Variants in NSMCE2 observed in about 807,000 individuals in gnomAD.
NSMCE2 encodes E3 SUMO-protein ligase NSE2.
In NSMCE2, 24 loss-of-function variants were observed where a neutral mutation model predicts 23.8. The observed-to-expected ratio is 1.01, with a 90% CI of 0.73 to 1.42. The LOEUF is 1.42. Ranked by LOEUF, NSMCE2 falls within the 40% of genes most tolerant of loss-of-function variation. The probability of loss-of-function intolerance (pLI) is 0.00; values close to 1 mark genes in which losing one functional copy is unlikely to be tolerated. For missense variants in NSMCE2, 284 were observed against 296.5 expected (o/e 0.96, Z 0.31); for synonymous variants, 92 against 94.1 (o/e 0.98, Z 0.13).
intron 5 of NSMCE2, among the ~76,000 whole-genome samples, chr8:125,237,368 TAAA>T (rs1825599993): frequency 6.6e-6 from 1 of 152,202 alleles, no homozygotes; most frequent in South Asian, 2.1e-4. Context: ...TTTCTGTCTC[TAAA>T]ACAGAGAAAA....
At chr8:125,285,464 C>CCATTCTGTG (rs1203914030) in intron 5 of NSMCE2, among the ~76,000 whole-genome samples, 1 of 151,990 alleles carries the variant, frequency 6.6e-6, no homozygotes, top group African/African-American at 2.4e-5. Flanking sequence ...ACTTACATGC[C>CCATTCTGTG]CATTCTGTGC....
chr8:125,364,021 G>A (rs1049495055), intron 7 of NSMCE2, among the ~76,000 whole-genome samples: 2 of 151,996 alleles, frequency 1.3e-5, no homozygotes, highest in African/African-American at 4.8e-5. Context: ...TTGGCTCACC[G>A]CAACCCCCAC....
At chr8:125,186,992 C>G (rs1442504013) in intron 5 of NSMCE2, among the ~76,000 whole-genome samples, 2 of 152,120 alleles carry the variant, frequency 1.3e-5, no homozygotes, top group East Asian at 3.9e-4. Context: ...TACCCAGTGT[C>G]CTGTATGTTA....
intron 5 of NSMCE2, among the ~76,000 whole-genome samples, chr8:125,197,226 C>G (rs1325363650): frequency 1.3e-5 from 2 of 152,156 alleles, no homozygotes; most frequent in Admixed American, 1.3e-4. Context: ...TCTATTTTGG[C>G]TTTTGTTTCC....
At chr8:125,286,957 G>C (rs1488048695) in intron 5 of NSMCE2, among the ~76,000 whole-genome samples, 1 of 152,146 alleles carries the variant, frequency 6.6e-6, no homozygotes, top group African/African-American at 2.4e-5. Flanking sequence ...CCAATTGGGA[G>C]GTGAACTCCC....
chr8:125,176,031 A>G (rs185965719), intron 4 of NSMCE2, among the ~76,000 whole-genome samples: 1 of 152,310 alleles, frequency 6.6e-6, no homozygotes, highest in East Asian at 1.9e-4. Context: ...CCTTGCTGAC[A>G]TAGAGAAATG....
chr8:125,184,536 A>C (rs1822998726), intron 5 of NSMCE2, among the ~76,000 whole-genome samples: 1 of 152,162 alleles, frequency 6.6e-6, no homozygotes, highest in Non-Finnish European at 1.5e-5. Flanking sequence ...TAATTAAAAT[A>C]AAAATTTCCC....
At chr8:125,231,671 T>TAAACTG (rs1825329190) in intron 5 of NSMCE2, among the ~76,000 whole-genome samples, 2 of 152,322 alleles carry the variant, frequency 1.3e-5, no homozygotes, top group African/African-American at 2.4e-5. Context: ...TCATGAAATT[T>TAAACTG]TTTTTCACTT....
intron 5 of NSMCE2, among the ~76,000 whole-genome samples, chr8:125,353,846 G>A (rs1360626348): frequency 6.6e-6 from 1 of 151,438 alleles, no homozygotes; most frequent in African/African-American, 2.4e-5. Context: ...TCGTGCCATT[G>A]CACTCCAGCC....
At chr8:125,152,582 A>T (rs1344554114) in intron 4 of NSMCE2, among the ~76,000 whole-genome samples, 1 of 152,232 alleles carries the variant, frequency 6.6e-6, no homozygotes. Flanking sequence ...TTTGACCCTT[A>T]CATTATGTGG....
chr8:125,234,144 G>T (rs2130955635), intron 5 of NSMCE2, among the ~76,000 whole-genome samples: 1 of 152,090 alleles, frequency 6.6e-6, no homozygotes. Context: ...AGTGAGCCGA[G>T]ATCCTGCCAC....
At chr8:125,362,435 A>T (rs1813600936) in intron 7 of NSMCE2, among the ~76,000 whole-genome samples, 1 of 152,208 alleles carries the variant, frequency 6.6e-6, no homozygotes, top group African/African-American at 2.4e-5. Flanking sequence ...TGTCATGCCA[A>T]CATTGTCAGT....
chr8:125,134,001 G>A (rs1319731097), intron 3 of NSMCE2, among the ~76,000 whole-genome samples: 1 of 152,168 alleles, frequency 6.6e-6, no homozygotes, highest in Admixed American at 6.6e-5. Context: ...TCGAGAATTT[G>A]CATTTCTAAC....
chr8:125,359,468 G>GT (rs1296566419), intron 7 of NSMCE2, among the ~76,000 whole-genome samples: 3 of 151,386 alleles, frequency 2.0e-5, no homozygotes, highest in African/African-American at 4.9e-5. Flanking sequence ...TGAATAGCTG[G>GT]TATTACAGGC....
intron 5 of NSMCE2, among the ~76,000 whole-genome samples, chr8:125,276,113 T>G (rs893876933): frequency 3.3e-5 from 5 of 152,192 alleles, no homozygotes; most frequent in African/African-American, 1.2e-4. Flanking sequence ...AGTGGCTTTT[T>G]ACAAAGACAG....
intron 5 of NSMCE2, among the ~76,000 whole-genome samples, chr8:125,287,403 C>T (rs143523251): frequency 9.1e-4 from 138 of 152,254 alleles, no homozygotes; most frequent in Non-Finnish European, 1.7e-3. Flanking sequence ...AAGCCCAGTG[C>T]CATTGTTTCA....
chr8:125,183,917 G>C (rs549787252), intron 5 of NSMCE2, among the ~76,000 whole-genome samples: 77 of 151,592 alleles, frequency 5.1e-4, no homozygotes, highest in Non-Finnish European at 9.1e-4. Context: ...ATTCTATTTG[G>C]TGCTTAGTGA....
intron 4 of NSMCE2, among the ~76,000 whole-genome samples, chr8:125,170,768 C>T (rs569693639): frequency 1.3e-4 from 20 of 152,240 alleles, no homozygotes; most frequent in Non-Finnish European, 2.8e-4. Flanking sequence ...ACTGTTTCTC[C>T]TACTGTCACC....
chr8:125,272,601 C>A (rs1248942274), intron 5 of NSMCE2, among the ~76,000 whole-genome samples: 1 of 151,120 alleles, frequency 6.6e-6, no homozygotes, highest in Non-Finnish European at 1.5e-5. Flanking sequence ...TACATAGCAT[C>A]CTGTGACATT....
Sources: gnomAD v4.1 joint callset for allele counts (sites outside exome capture counted in the v4.1 genomes callset) on GRCh38, gnomAD v4.1.1 for gene constraint, MANE v1.5 for transcripts, NCBI Gene and HGNC (gene_info 2026-07-23, HGNC 2026-07-21) for gene names.